Variants in STEAP1B observed in about 807,000 individuals in gnomAD.
The protein encoded by STEAP1B is STEAP family member 1B, also known as STEAP family protein MGC87042.
A neutral mutation model predicts 27.9 loss-of-function variants in STEAP1B; 13 were observed. That is an observed-to-expected ratio of 0.47 (90% CI 0.30 to 0.74). STEAP1B has a LOEUF of 0.74. STEAP1B is among the 30% of genes least tolerant of loss of function. The probability of loss-of-function intolerance (pLI) is 0.06; values close to 1 mark genes in which losing one functional copy is unlikely to be tolerated. For missense variants in STEAP1B, 250 were observed against 298.7 expected, an observed-to-expected ratio of 0.84 and a Z score of 1.20; for synonymous variants, 86 against 107.1, an observed-to-expected ratio of 0.80 and a Z score of 1.22.
chr7:22,424,900 A>AC (rs918161000), intron 4 of STEAP1B, among the ~76,000 whole-genome samples: 4 of 151,922 alleles, frequency 2.6e-5, no homozygotes, highest in African/African-American at 9.7e-5. Context: ...TAAGTGAAAA[A>AC]AAAAAAATCA....
At chr7:22,445,223 T>A (rs1785391475) in intron 4 of STEAP1B, among the ~76,000 whole-genome samples, 1 of 152,240 alleles carries the variant, frequency 6.6e-6, no homozygotes. Context: ...CACAGACCTC[T>A]TTGTGGTGGG....
intron 4 of STEAP1B, among the ~76,000 whole-genome samples, chr7:22,420,803 C>T (rs1338167133): frequency 6.6e-6 from 1 of 152,212 alleles, no homozygotes; most frequent in Non-Finnish European, 1.5e-5. Context: ...TAATCACTTA[C>T]ATGTATAAAC....
At position 22,482,795 on chromosome 7, in the gene STEAP1B, T is replaced by C. The variant is rs978259759; in HGVS notation, c.762+9770A>G. Among the ~76,000 whole-genome samples, 91 of 152,246 alleles carry C rather than the reference T, an allele frequency of 6.0e-4. 1 individual carries two copies. Among genetic ancestry groups the C allele is most frequent in the African/African-American group, 1.9e-3 (81 of 41,548 alleles). ...TCAGCTCTGACAGTTGTGGATGCTG[T>C]CATCCACAACCTCTCCCCACCCTAC... On this transcript the variant is annotated intron_variant, in intron 4 of 4. Transcript: ENST00000678116.
intron 4 of STEAP1B, chr7:22,438,753 A>G: frequency 1.3e-6 from 2 of 1,545,056 alleles, no homozygotes; most frequent in Non-Finnish European, 1.7e-6. Flanking sequence ...CAGTCAGTAT[A>G]GCCTAGAAAA....
intron 4 of STEAP1B, among the ~76,000 whole-genome samples, chr7:22,461,142 T>G (rs561118480): frequency 6.6e-6 from 1 of 152,224 alleles, no homozygotes; most frequent in Non-Finnish European, 1.5e-5. Context: ...TCATTCTGGC[T>G]GTCAAATAGG....
intron 4 of STEAP1B, among the ~76,000 whole-genome samples, chr7:22,420,076 T>C (rs1258397752): frequency 1.3e-5 from 2 of 152,166 alleles, no homozygotes; most frequent in African/African-American, 4.8e-5. Context: ...TGTGGGGCAA[T>C]GAGAGTCCCA....
At chr7:22,458,941 A>C (rs1785633906) in intron 4 of STEAP1B, among the ~76,000 whole-genome samples, 2 of 152,176 alleles carry the variant, frequency 1.3e-5, no homozygotes, top group Admixed American at 1.3e-4. Context: ...ATAACAAATA[A>C]GTATCTTATA....
At chr7:22,453,722 T>C (rs943765180) in intron 4 of STEAP1B, among the ~76,000 whole-genome samples, 1 of 152,266 alleles carries the variant, frequency 6.6e-6, no homozygotes, top group Non-Finnish European at 1.5e-5. Context: ...TCCCTGTCCC[T>C]AGATGTAACC....
At chr7:22,486,001 A>G (rs1435578106) in intron 4 of STEAP1B, among the ~76,000 whole-genome samples, 1 of 152,196 alleles carries the variant, frequency 6.6e-6, no homozygotes, top group African/African-American at 2.4e-5. Context: ...ACTGCCTGGC[A>G]TACGTAAGCC....
intron 4 of STEAP1B, among the ~76,000 whole-genome samples, chr7:22,480,431 T>C (rs568297909): frequency 1.3e-5 from 2 of 152,298 alleles, no homozygotes; most frequent in South Asian, 4.1e-4. Context: ...GCGACAAGAA[T>C]GTGAGGACAC....
chr7:22,439,525 T>C (rs1785300741), intron 4 of STEAP1B, among the ~76,000 whole-genome samples: 1 of 152,220 alleles, frequency 6.6e-6, no homozygotes, highest in South Asian at 2.1e-4. Flanking sequence ...ACTGCTGCTA[T>C]AAATTCAGTT....
At chr7:22,423,998 C>T (rs985242142) in intron 4 of STEAP1B, among the ~76,000 whole-genome samples, 4 of 152,154 alleles carry the variant, frequency 2.6e-5, no homozygotes, top group African/African-American at 9.7e-5. Flanking sequence ...AACTGCACTC[C>T]AGCCTGGGCA....
At chr7:22,433,110 C>G (rs1229605537) in intron 4 of STEAP1B, among the ~76,000 whole-genome samples, 1 of 151,284 alleles carries the variant, frequency 6.6e-6, no homozygotes, top group Non-Finnish European at 1.5e-5. Context: ...ATCCCAGAAT[C>G]TAACAGAACC....
chr7:22,430,801 A>G (rs1001412174), intron 4 of STEAP1B, among the ~76,000 whole-genome samples: 1 of 152,238 alleles, frequency 6.6e-6, no homozygotes, highest in Non-Finnish European at 1.5e-5. Context: ...CCCGTCAGAC[A>G]GACACATTTC....
At chr7:22,477,047 T>C (rs986612601) in intron 4 of STEAP1B, among the ~76,000 whole-genome samples, 3 of 152,216 alleles carry the variant, frequency 2.0e-5, no homozygotes, top group African/African-American at 7.2e-5. Context: ...TGCAGCTTTC[T>C]GCTGAGTAAC....
At chr7:22,445,708 G>T (rs932326654) in intron 4 of STEAP1B, among the ~76,000 whole-genome samples, 1 of 152,242 alleles carries the variant, frequency 6.6e-6, no homozygotes, top group Admixed American at 6.5e-5. Flanking sequence ...AGCAGGGAGG[G>T]CACTGCTCTC....
At chr7:22,441,838 T>C (rs1389432674) in intron 4 of STEAP1B, among the ~76,000 whole-genome samples, 2 of 152,254 alleles carry the variant, frequency 1.3e-5, no homozygotes, top group East Asian at 1.9e-4. Flanking sequence ...CACCTGTATA[T>C]AAACTGTGAA....
chr7:22,454,861 ATATATTTTT>A lies in STEAP1B; in HGVS notation c.763-35034_763-35026del, dbSNP rs1190005777. Among the ~76,000 whole-genome samples, 3 of 57,852 alleles carry A rather than the reference ATATATTTTT, an allele frequency of 5.2e-5. No homozygotes were observed. In the South Asian group the frequency reaches 2.3e-3, roughly 44 times the overall value. 38.0% of individuals were successfully genotyped at this position (57,852 alleles called of 152,430 possible). A position where few individuals can be genotyped will look rare whatever the true frequency, so the allele number is the denominator to read the frequency against. ...TATATATATATATGTATATATATAT[ATATATTTTT>A]TTTTTTTTTTGAGACAGAGTCTCGC... On this transcript the variant is annotated intron_variant, in intron 4 of 4. Coordinates refer to ENST00000678116, the MANE Select transcript of STEAP1B (RefSeq NM_001382447.1).
At chr7:22,488,465 G>A (rs936676713) in intron 4 of STEAP1B, among the ~76,000 whole-genome samples, 1 of 152,220 alleles carries the variant, frequency 6.6e-6, no homozygotes, top group Non-Finnish European at 1.5e-5. Flanking sequence ...CCCAGGGACA[G>A]TGGGAATCAG....
Sources: allele counts gnomAD v4.1 joint callset (sites outside exome capture counted in the v4.1 genomes callset), GRCh38; gene constraint gnomAD v4.1.1; transcripts MANE v1.5; gene names NCBI Gene and HGNC (gene_info 2026-07-23, HGNC 2026-07-21).